The following SRGAP3 variants were observed in gnomAD, a reference collection of about 807,000 sequenced individuals.
The protein encoded by SRGAP3 is SLIT-ROBO Rho GTPase-activating protein 3.
In SRGAP3, 39 loss-of-function variants were observed where a neutral mutation model predicts 121.1. The ratio of observed to expected loss-of-function variants is 0.32; its 90% CI spans 0.25 to 0.42. SRGAP3 has a LOEUF of 0.42. Ranked by LOEUF, SRGAP3 falls within the 10% of genes least tolerant of loss-of-function variation. The pLI, the probability that SRGAP3 is intolerant of heterozygous loss-of-function variation, is 1.00. For missense variants in SRGAP3, 1,213 were observed against 1,470.6 expected (o/e 0.82, Z 2.86); for synonymous variants, 601 against 570.0 (o/e 1.05, Z -0.77).
intron 14 of SRGAP3, among the ~76,000 whole-genome samples, chr3:9,017,773 T>C (rs1943712438): frequency 1.3e-5 from 2 of 152,242 alleles, no homozygotes; most frequent in South Asian, 2.1e-4. Context: ...CATGTAACTG[T>C]TAGATGCATA....
intron 3 of SRGAP3, among the ~76,000 whole-genome samples, chr3:9,269,059 C>T (rs865831321): frequency 1.3e-5 from 2 of 152,190 alleles, no homozygotes; most frequent in African/African-American, 4.8e-5. Context: ...GGCCGGAACA[C>T]GCCCACTGTG....
chr3:9,279,610 T>G (rs1465787219), intron 3 of SRGAP3, among the ~76,000 whole-genome samples: 2 of 143,956 alleles, frequency 1.4e-5, no homozygotes, highest in Non-Finnish European at 3.0e-5. Flanking sequence ...ACCTCCCGGG[T>G]TCAAGCAATT....
intron 3 of SRGAP3, among the ~76,000 whole-genome samples, chr3:9,278,816 G>A (rs1954628955): frequency 6.6e-6 from 1 of 152,156 alleles, no homozygotes; most frequent in African/African-American, 2.4e-5. Flanking sequence ...GGCATTAAAA[G>A]GGAGTTTGTT....
chr3:9,184,401 G>C (rs1314287189), intron 1 of SRGAP3, among the ~76,000 whole-genome samples: 4 of 152,118 alleles, frequency 2.6e-5, no homozygotes, highest in African/African-American at 9.7e-5. Flanking sequence ...CAGGTGTTAA[G>C]GTCTTTTGAG....
intron 4 of SRGAP3, among the ~76,000 whole-genome samples, chr3:9,070,421 C>A (rs764447083): frequency 3.9e-5 from 6 of 152,238 alleles, no homozygotes; most frequent in Non-Finnish European, 8.8e-5. Flanking sequence ...GAAGCAAAGT[C>A]CTGAGGCCAG....
intron 1 of SRGAP3, among the ~76,000 whole-genome samples, chr3:9,342,817 G>C (rs920558574): frequency 6.6e-6 from 1 of 152,222 alleles, no homozygotes. Context: ...TGAGGAGGCA[G>C]AAGAACCTCC....
Position 8,990,736 on chromosome 3 carries a change from G to A in SRGAP3, c.2662C>T (p.Arg888Trp), listed in dbSNP as rs780791582. Residue 888 changes from arginine to tryptophan, a missense_variant, in exon 21 of 22, where the codon CGG becomes TGG. Coordinates refer to ENST00000383836, the MANE Select transcript of SRGAP3 (RefSeq NM_014850.4). ...GGGCTGCTGGGGCAGGCAGCAGCCC[G>A]GGGTGGTGTGTCTATGCTGGGGCCC... The part of the protein sequence containing the change: ...GLGPSIDTPP[R>W]AAACPSSPHK... 103 of 1,611,092 alleles carry A rather than the reference G, an allele frequency of 6.4e-5. No individual in the cohort carries two copies. The highest frequency in any genetic ancestry group is 8.2e-5 in the Non-Finnish European group (97 of 1,179,248).
intron 1 of SRGAP3, among the ~76,000 whole-genome samples, chr3:9,139,649 C>T (rs7613549): frequency 0.088 from 13,330 of 152,210 alleles, 1,890 homozygotes; most frequent in African/African-American, 0.3. Context: ...AGAATAAATG[C>T]GTGTTGTTTT....
At chr3:9,310,751 A>T (rs1363910420) in intron 3 of SRGAP3, among the ~76,000 whole-genome samples, 1 of 152,216 alleles carries the variant, frequency 6.6e-6, no homozygotes, top group Non-Finnish European at 1.5e-5. Flanking sequence ...TGAGAGGTCA[A>T]CTCAAACCTC....
At chr3:9,120,834 T>A (rs963392321) in intron 2 of SRGAP3, among the ~76,000 whole-genome samples, 6 of 152,230 alleles carry the variant, frequency 3.9e-5, no homozygotes, top group African/African-American at 1.2e-4. Flanking sequence ...TTCAGAACCA[T>A]CACGTGGGCC....
chr3:8,993,707 T>C (rs1942212224), intron 19 of SRGAP3, among the ~76,000 whole-genome samples: 1 of 152,152 alleles, frequency 6.6e-6, no homozygotes, highest in Non-Finnish European at 1.5e-5. Flanking sequence ...CCCATCACAA[T>C]GTGGGCTGTT....
intron 1 of SRGAP3, among the ~76,000 whole-genome samples, chr3:9,208,149 A>C (rs903388264): frequency 3.3e-5 from 5 of 152,122 alleles, no homozygotes; most frequent in African/African-American, 1.2e-4. Context: ...CTGAGGAAGC[A>C]GTGAATGAGC....
At position 8,983,561 on chromosome 3, in the gene SRGAP3, C is replaced by T. The variant is rs1006453775; in HGVS notation, c.*1958G>A. The T allele has an allele frequency of 4.8e-5, 11 of 230,802 alleles. No individual in the cohort carries two copies. Among genetic ancestry groups the T allele is most frequent in the Non-Finnish European group, 6.9e-5 (8 of 116,694 alleles). The allele number at this position is 230,802 out of a possible 1,614,324, so 14.3% of individuals were successfully genotyped here. ...AGAGGGCACCACTTCATCCAATGGGCTGAAATGTTAATGATGGAATCCAGG... is the reference window on the plus strand; with the variant it reads ...AGAGGGCACCACTTCATCCAATGGGTTGAAATGTTAATGATGGAATCCAGG... On this transcript the variant is annotated 3_prime_UTR_variant, in exon 22 of 22. Coordinates refer to ENST00000383836, the MANE Select transcript of SRGAP3 (RefSeq NM_014850.4).
At chr3:9,294,389 G>A (rs1954916542) in intron 3 of SRGAP3, among the ~76,000 whole-genome samples, 1 of 152,162 alleles carries the variant, frequency 6.6e-6, no homozygotes. Flanking sequence ...GATGGTGGGA[G>A]GAGGGAGAGG....
At chr3:9,281,594 G>T (rs1458326613) in intron 3 of SRGAP3, among the ~76,000 whole-genome samples, 1 of 152,136 alleles carries the variant, frequency 6.6e-6, no homozygotes, top group Non-Finnish European at 1.5e-5. Flanking sequence ...ACCTTTTAAT[G>T]TTGGTGTAAG....
chr3:9,164,276 T>TTTTTTTTATTTATTTATTTATTTATTTA (rs1553683179), intron 1 of SRGAP3, among the ~76,000 whole-genome samples: 17 of 140,772 alleles, frequency 1.2e-4, no homozygotes, highest in Admixed American at 5.0e-4. Flanking sequence ...ACCCAGACTA[T>TTTTTTTTATTTATTTATTTATTTATTTA]TTTATTTATT....
chr3:9,211,858 T>G (rs954472366), intron 1 of SRGAP3, among the ~76,000 whole-genome samples: 2 of 151,924 alleles, frequency 1.3e-5, no homozygotes, highest in African/African-American at 4.8e-5. Flanking sequence ...TTATTCTTTG[T>G]AGAGATAAGG....
intron 1 of SRGAP3, among the ~76,000 whole-genome samples, chr3:9,160,221 T>C (rs1413861285): frequency 6.6e-6 from 1 of 152,250 alleles, no homozygotes; most frequent in Non-Finnish European, 1.5e-5. Flanking sequence ...ATAAATTCTT[T>C]GACCTTCTCT....
intron 1 of SRGAP3, among the ~76,000 whole-genome samples, chr3:9,242,110 C>T (rs1466723764): frequency 6.7e-6 from 1 of 148,288 alleles, no homozygotes; most frequent in African/African-American, 2.5e-5. Flanking sequence ...GAGGAAGGAG[C>T]GAAAGGGAGA....
Sources: gnomAD v4.1 joint callset for allele counts (sites outside exome capture counted in the v4.1 genomes callset) on GRCh38, gnomAD v4.1.1 for gene constraint, MANE v1.5 for transcripts, NCBI Gene and HGNC (gene_info 2026-07-23, HGNC 2026-07-21) for gene names.